Variants in CSMD1 observed in about 807,000 individuals in gnomAD.
The protein encoded by CSMD1 is CUB and Sushi multiple domains 1, also known as CUB and sushi domain-containing protein 1.
Under a neutral mutation model 417.5 loss-of-function variants are expected in CSMD1, and 213 were observed. The observed-to-expected ratio is 0.51, with a 90% CI of 0.46 to 0.57. CSMD1 has a LOEUF of 0.57. Among genes scored for constraint, CSMD1 ranks in the 20% least tolerant of loss-of-function variants. The probability of loss-of-function intolerance (pLI) is 0.00; values close to 1 mark genes in which losing one functional copy is unlikely to be tolerated. For synonymous variants in CSMD1, 2,862 were observed against 1,736.8 expected (o/e 1.65, Z -16.11); for missense variants, 6,923 against 4,529.7 (o/e 1.53, Z -15.17).
intron 2 of CSMD1, among the ~76,000 whole-genome samples, chr8:4,519,482 G>C (rs944455376): frequency 6.6e-6 from 1 of 151,874 alleles, no homozygotes; most frequent in African/African-American, 2.4e-5. Context: ...GCTCACGCCT[G>C]TAACCCCAGC....
chr8:3,764,507 G>A (rs560564780), intron 5 of CSMD1, among the ~76,000 whole-genome samples: 3 of 152,252 alleles, frequency 2.0e-5, no homozygotes, highest in African/African-American at 4.8e-5. Flanking sequence ...GTAGCCCTGG[G>A]TGACGGATGT....
chr8:4,093,904 G>T (rs536447238), intron 3 of CSMD1, among the ~76,000 whole-genome samples: 1 of 152,028 alleles, frequency 6.6e-6, no homozygotes, highest in Non-Finnish European at 1.5e-5. Flanking sequence ...AGGTTTCAGT[G>T]AGCCCAGATT....
At chr8:4,756,046 C>T (rs1811648287) in intron 1 of CSMD1, among the ~76,000 whole-genome samples, 1 of 152,148 alleles carries the variant, frequency 6.6e-6, no homozygotes, top group South Asian at 2.1e-4. Context: ...AATACAAATG[C>T]TAAATCTCCA....
At chr8:4,851,526 C>T (rs1022728183) in intron 1 of CSMD1, among the ~76,000 whole-genome samples, 1 of 151,978 alleles carries the variant, frequency 6.6e-6, no homozygotes, top group African/African-American at 2.4e-5. Flanking sequence ...ATACATTCTC[C>T]AGGGTTGAGG....
At chr8:3,388,411 G>C (rs1227277857) in intron 17 of CSMD1, among the ~76,000 whole-genome samples, 1 of 152,114 alleles carries the variant, frequency 6.6e-6, no homozygotes, top group South Asian at 2.1e-4. Flanking sequence ...GAGAATAAGG[G>C]AAAAGAATAT....
At chr8:3,450,394 T>C (rs568242171) in intron 12 of CSMD1, among the ~76,000 whole-genome samples, 6 of 152,200 alleles carry the variant, frequency 3.9e-5, no homozygotes, top group East Asian at 1.9e-4. Context: ...ATGTGCCATG[T>C]TGGTGTGCTG....
chr8:3,235,916 G>GTTTTTTTTTTTTTTTTTT (rs11414439), intron 26 of CSMD1, among the ~76,000 whole-genome samples: 10 of 119,344 alleles, frequency 8.4e-5, no homozygotes, highest in East Asian at 2.6e-4. Context: ...GAAGATGTAA[G>GTTTTTTTTTTTTTTTTTT]TTTTTTTTTT....
intron 1 of CSMD1, among the ~76,000 whole-genome samples, chr8:4,744,565 C>A (rs1305392428): frequency 2.0e-5 from 3 of 152,170 alleles, no homozygotes; most frequent in African/African-American, 7.2e-5. Flanking sequence ...CAATGATTTA[C>A]AATTCACACA....
At chr8:4,537,779 C>G (rs1423047230) in intron 2 of CSMD1, among the ~76,000 whole-genome samples, 2 of 152,202 alleles carry the variant, frequency 1.3e-5, no homozygotes, top group East Asian at 3.9e-4. Context: ...ACCAGGCATG[C>G]AGCCGTTGCT....
chr8:4,431,281 T>C (rs1362228956), intron 2 of CSMD1, among the ~76,000 whole-genome samples: 3 of 152,192 alleles, frequency 2.0e-5, no homozygotes, highest in Non-Finnish European at 4.4e-5. Context: ...TGCAAATTTA[T>C]TTTATCATAT....
intron 23 of CSMD1, among the ~76,000 whole-genome samples, chr8:3,339,940 A>G (rs1438990172): frequency 6.6e-6 from 1 of 152,220 alleles, no homozygotes; most frequent in East Asian, 1.9e-4. Flanking sequence ...GTACACTTTT[A>G]AAGTTTTATT....
intron 3 of CSMD1, among the ~76,000 whole-genome samples, chr8:4,204,654 T>A (rs910315764): frequency 1.3e-4 from 20 of 151,982 alleles, no homozygotes; most frequent in Admixed American, 1.1e-3. Flanking sequence ...TTTATAAAAA[T>A]TATTATTAGT....
intron 1 of CSMD1, among the ~76,000 whole-genome samples, chr8:4,650,189 C>A (rs1210593814): frequency 6.6e-6 from 1 of 151,436 alleles, no homozygotes; most frequent in Admixed American, 6.6e-5. Context: ...AATAAAAATC[C>A]AAAAAATTAG....
chr8:4,071,970 C>A (rs1389333036), intron 3 of CSMD1, among the ~76,000 whole-genome samples: 2 of 152,178 alleles, frequency 1.3e-5, no homozygotes, highest in African/African-American at 4.8e-5. Flanking sequence ...CAGTCTAGAG[C>A]TCTCCTTTCT....
chr8:3,189,858 T>A lies in CSMD1; in HGVS notation c.5398+54A>T, dbSNP rs894338. Reference sequence around the variant, plus strand: ...CCTGGATAGAAACATGAGAAGTAACTCTTTGGCACCACCACAGAGTTCTGG... The same window carrying A: ...CCTGGATAGAAACATGAGAAGTAACACTTTGGCACCACCACAGAGTTCTGG... On this transcript the variant is annotated intron_variant, in intron 34 of 69. Transcript: ENST00000635120. 7 of 1,459,258 alleles carry A rather than the reference T, an allele frequency of 4.8e-6. No individual in the cohort carries two copies. In the African/African-American group the frequency reaches 7.0e-5, roughly 15 times the overall value. The allele number at this position is 1,459,258 out of a possible 1,614,324, so 90.4% of individuals were successfully genotyped here. A position where few individuals can be genotyped will look rare whatever the true frequency, so the allele number is the denominator to read the frequency against.
chr8:3,886,901 G>A (rs575753962), intron 5 of CSMD1, among the ~76,000 whole-genome samples: 4 of 152,130 alleles, frequency 2.6e-5, no homozygotes, highest in Admixed American at 6.6e-5. Context: ...GATTCACTGA[G>A]CATAAACACA....
chr8:3,523,413 C>G (rs1797596676), intron 10 of CSMD1, among the ~76,000 whole-genome samples: 1 of 152,178 alleles, frequency 6.6e-6, no homozygotes, highest in Non-Finnish European at 1.5e-5. Context: ...GAGATCAAAG[C>G]GTTTGCAACC....
chr8:3,116,433 C>T (rs934847544), intron 42 of CSMD1, among the ~76,000 whole-genome samples: 12 of 152,134 alleles, frequency 7.9e-5, no homozygotes, highest in African/African-American at 2.7e-4. Context: ...ATATCCCCTC[C>T]CTGTTAAAAC....
rs186072488 is a variant in CSMD1, at chr8:3,818,786, C to T, written c.819-64744G>A. Among the ~76,000 whole-genome samples the T allele has an allele frequency of 1.3e-3, 200 of 152,298 alleles. 3 individuals carry two copies. The highest frequency in any genetic ancestry group is 2.8e-4 in the Non-Finnish European group (19 of 68,030). On this transcript the variant is annotated intron_variant, in intron 5 of 69. Transcript: ENST00000635120. ...ACACACCTGGCATAACCCCAAAACA[C>T]CCGACCTACGTCCCTCTTTCCCTTT...
Sources: allele counts gnomAD v4.1 joint callset (sites outside exome capture counted in the v4.1 genomes callset), GRCh38; gene constraint gnomAD v4.1.1; transcripts MANE v1.5; gene names NCBI Gene and HGNC (gene_info 2026-07-23, HGNC 2026-07-21).